The following YTHDF3 variants were observed in gnomAD, a reference collection of about 807,000 sequenced individuals.
YTHDF3 encodes YTH domain-containing family protein 3.
A neutral mutation model predicts 52.5 loss-of-function variants in YTHDF3; 9 were observed. That is an observed-to-expected ratio of 0.17 (90% CI 0.10 to 0.30). The LOEUF is 0.30. YTHDF3 is among the 10% of genes least tolerant of loss of function. The pLI, the probability that YTHDF3 is intolerant of heterozygous loss-of-function variation, is 1.00. For missense variants in YTHDF3, 534 were observed against 715.0 expected (o/e 0.75, Z 2.89); for synonymous variants, 274 against 243.3 (o/e 1.13, Z -1.18).
intron 4 of YTHDF3, among the ~76,000 whole-genome samples, chr8:63,198,458 G>T (rs987717026): frequency 2.0e-5 from 3 of 152,122 alleles, no homozygotes; most frequent in African/African-American, 7.2e-5. Flanking sequence ...GTAGAGATGG[G>T]GTTTCACCAT....
At chr8:63,192,607 T>C (rs1463011248) in intron 4 of YTHDF3, among the ~76,000 whole-genome samples, 1 of 152,208 alleles carries the variant, frequency 6.6e-6, no homozygotes, top group Non-Finnish European at 1.5e-5. Flanking sequence ...CTTTTAGCCT[T>C]GTGTAGGCAG....
intron 3 of YTHDF3, among the ~76,000 whole-genome samples, chr8:63,179,614 A>G (rs1437388710): frequency 6.6e-6 from 1 of 151,982 alleles, no homozygotes; most frequent in East Asian, 1.9e-4. Flanking sequence ...TCCCATGTCT[A>G]CCTCTTTCTA....
intron 4 of YTHDF3, among the ~76,000 whole-genome samples, chr8:63,188,139 T>G (rs1400438361): frequency 6.6e-6 from 1 of 151,976 alleles, no homozygotes; most frequent in African/African-American, 2.4e-5. Context: ...CAACTTTTTT[T>G]TTGAGATGAC....
intron 3 of YTHDF3, 111 bp from the exon 4 acceptor site, chr8:63,186,036 A>T: frequency 2.6e-6 from 3 of 1,151,646 alleles, no homozygotes; most frequent in South Asian, 3.4e-5. Context: ...TAGAATAGGT[A>T]CATCTTTTAT....
chr8:63,200,534 G>A (rs961391929), intron 4 of YTHDF3, among the ~76,000 whole-genome samples: 2 of 151,656 alleles, frequency 1.3e-5, no homozygotes, highest in South Asian at 2.1e-4. Flanking sequence ...TCAGGGGAGG[G>A]GATTTATAAG....
Position 63,170,341 on chromosome 8 carries a change from G to A in YTHDF3, c.49+930G>A, listed in dbSNP as rs551741422. Among the ~76,000 whole-genome samples, 7 of 152,176 alleles carry A rather than the reference G, an allele frequency of 4.6e-5. No homozygotes were observed. The East Asian group carries it at 1.2e-3, about 25-fold the overall frequency. On this transcript the variant is annotated intron_variant, in intron 2 of 4. Transcript: ENST00000539294. ...TGTCTTTGGTGCCCTTTAAATTCTT[G>A]TTAGGGTATTTATTTGCTATTGCAA...
At chr8:63,185,310 A>G (rs1171598285) in intron 3 of YTHDF3, among the ~76,000 whole-genome samples, 1 of 151,198 alleles carries the variant, frequency 6.6e-6, no homozygotes, top group African/African-American at 2.4e-5. Context: ...TGGTGTCTTG[A>G]TTTTTGGCAG....
intron 4 of YTHDF3, among the ~76,000 whole-genome samples, chr8:63,194,022 A>G (rs750977791): frequency 1.0e-3 from 154 of 152,192 alleles, no homozygotes; most frequent in Middle Eastern, 6.8e-3. Flanking sequence ...GGAGCAATCA[A>G]TAGTTTTTTT....
intron 2 of YTHDF3, among the ~76,000 whole-genome samples, chr8:63,173,202 T>TTATTTATATATATATA (rs1554533376): frequency 7.9e-6 from 1 of 125,886 alleles, no homozygotes; most frequent in African/African-American, 4.0e-5. Context: ...AGGATTATAT[T>TTATTTATATATATATA]TATATATATA....
chr8:63,186,118 G>A (rs765632293), intron 3 of YTHDF3, 29 bp from the exon 4 acceptor site: 3 of 1,567,694 alleles, frequency 1.9e-6, no homozygotes, highest in Non-Finnish European at 2.6e-6. Context: ...AGGACATTTC[G>A]CTACTGATTG....
intron 1 of YTHDF3, 21 bp from the exon 2 acceptor site, chr8:63,169,366 A>C: frequency 1.3e-6 from 2 of 1,598,962 alleles, no homozygotes; most frequent in South Asian, 2.2e-5. Context: ...TCTTTACCGC[A>C]TCTTTCGTCT....
intron 4 of YTHDF3, among the ~76,000 whole-genome samples, chr8:63,206,688 G>A (rs1236027781): frequency 6.6e-6 from 1 of 151,970 alleles, no homozygotes; most frequent in Admixed American, 6.6e-5. Flanking sequence ...ATACTAATAA[G>A]TGTTCGTGAT....
intron 4 of YTHDF3, 24 bp from the exon 5 acceptor site, chr8:63,209,655 TTGTG>T (rs754824965): frequency 3.4e-5 from 52 of 1,541,582 alleles, no homozygotes; most frequent in Middle Eastern, 3.4e-4. Context: ...GTAATTCTTT[TTGTG>T]TGTGTGTGTT....
chr8:63,198,162 G>C (rs945202799), intron 4 of YTHDF3, among the ~76,000 whole-genome samples: 2 of 152,160 alleles, frequency 1.3e-5, no homozygotes, highest in Non-Finnish European at 2.9e-5. Flanking sequence ...AGAATTTTGT[G>C]TGTATTTTAG....
intron 3 of YTHDF3, among the ~76,000 whole-genome samples, chr8:63,183,441 C>T (rs1585753949): frequency 1.3e-5 from 2 of 152,154 alleles, no homozygotes; most frequent in African/African-American, 4.8e-5. Context: ...TGTTTGTCTT[C>T]GTAGCTTCCA....
At chr8:63,177,914 C>T (rs866017916) in intron 3 of YTHDF3, among the ~76,000 whole-genome samples, 1 of 152,030 alleles carries the variant, frequency 6.6e-6, no homozygotes, top group East Asian at 1.9e-4. Context: ...CATGCTACCA[C>T]GCCTGGCTAA....
At chr8:63,176,513 C>T (rs1807702301) in intron 3 of YTHDF3, among the ~76,000 whole-genome samples, 1 of 152,212 alleles carries the variant, frequency 6.6e-6, no homozygotes, top group African/African-American at 2.4e-5. Flanking sequence ...ATCTCCTGAC[C>T]TCATGATCCG....
At chr8:63,191,114 G>C (rs1323730217) in intron 4 of YTHDF3, among the ~76,000 whole-genome samples, 1 of 152,104 alleles carries the variant, frequency 6.6e-6, no homozygotes, top group Non-Finnish European at 1.5e-5. Flanking sequence ...AAATTCTGAG[G>C]CCAGCCTACA....
intron 2 of YTHDF3, among the ~76,000 whole-genome samples, chr8:63,171,380 A>G (rs1807315923): frequency 6.6e-6 from 1 of 152,158 alleles, no homozygotes. Context: ...TATTTGCTGG[A>G]TTTCTTTTCA....
Sources: gnomAD v4.1 joint callset for allele counts (sites outside exome capture counted in the v4.1 genomes callset) on GRCh38, gnomAD v4.1.1 for gene constraint, MANE v1.5 for transcripts, NCBI Gene and HGNC (gene_info 2026-07-23, HGNC 2026-07-21) for gene names.